The following NRG1 variants were observed in gnomAD, a reference collection of about 807,000 sequenced individuals.
NRG1 encodes the protein pro-neuregulin-1, membrane-bound isoform.
Under a neutral mutation model 63.8 loss-of-function variants are expected in NRG1, and 18 were observed. The ratio of observed to expected loss-of-function variants is 0.28; its 90% CI spans 0.19 to 0.42. The LOEUF is 0.42. Ranked by LOEUF, NRG1 falls within the 10% of genes least tolerant of loss-of-function variation. NRG1 has a pLI of 1.00. For missense variants in NRG1, 762 were observed against 814.7 expected, an observed-to-expected ratio of 0.94 and a Z score of 0.79; for synonymous variants, 302 against 301.3, an observed-to-expected ratio of 1.00 and a Z score of -0.02.
chr8:32,300,464 A>G (rs1312250222), intron 1 of NRG1, among the ~76,000 whole-genome samples: 3 of 152,220 alleles, frequency 2.0e-5, no homozygotes, highest in Non-Finnish European at 4.4e-5. Flanking sequence ...AGAGTTGTTT[A>G]TCCAAGAATC....
rs1182946489 is a variant in NRG1, at chr8:32,760,078, C to G, written c.1053-122C>G. ...TTCTATTCGGAGACAAGTGATGTTA[C>G]AGTGAGCTCCGGGTGCATCAGTAGT... On this transcript the variant is annotated intron_variant, in intron 10 of 11. Transcript: ENST00000356819. The G allele has an allele frequency of 1.5e-5, 16 of 1,065,144 alleles. No individual in the cohort carries two copies. The South Asian group carries it at 1.5e-4, about 10-fold the overall frequency. The allele number at this position is 1,065,144 out of a possible 1,614,324, so 66.0% of individuals were successfully genotyped here. A position where few individuals can be genotyped will look rare whatever the true frequency, so the allele number is the denominator to read the frequency against.
chr8:32,243,423 C>G (rs1464555231), intron 1 of NRG1, among the ~76,000 whole-genome samples: 1 of 114,650 alleles, frequency 8.7e-6, no homozygotes, highest in East Asian at 2.2e-4. Context: ...GAGTAAGACT[C>G]TGTCTCAAAA....
At chr8:32,755,884 A>G (rs745493901) in intron 8 of NRG1, among the ~76,000 whole-genome samples, 9 of 152,012 alleles carry the variant, frequency 5.9e-5, no homozygotes, top group Admixed American at 2.6e-4. Flanking sequence ...CTGGGACGAC[A>G]GGTGCACGCC....
At chr8:32,726,979 T>A (rs1040664712) in intron 5 of NRG1, among the ~76,000 whole-genome samples, 9 of 152,146 alleles carry the variant, frequency 5.9e-5, no homozygotes, top group Non-Finnish European at 1.3e-4. Context: ...CTGGTTTTGC[T>A]TTTCATCCTG....
At chr8:31,730,311 G>A (rs991091169) in intron 1 of NRG1, among the ~76,000 whole-genome samples, 10 of 152,142 alleles carry the variant, frequency 6.6e-5, no homozygotes, top group South Asian at 2.1e-4. Context: ...TTGTTAGTGC[G>A]TGTGGACCCA....
At chr8:32,724,491 G>T (rs1197882403) in intron 5 of NRG1, among the ~76,000 whole-genome samples, 2 of 152,144 alleles carry the variant, frequency 1.3e-5, no homozygotes, top group African/African-American at 4.8e-5. Context: ...TTACCAAATG[G>T]AAACTGATTT....
At chr8:32,208,006 T>C (rs1428284941) in intron 1 of NRG1, among the ~76,000 whole-genome samples, 2 of 152,124 alleles carry the variant, frequency 1.3e-5, no homozygotes, top group Non-Finnish European at 2.9e-5. Flanking sequence ...GACAAACAAA[T>C]GGTTTAGGAA....
chr8:32,507,156 C>T (rs1828634398), intron 1 of NRG1, among the ~76,000 whole-genome samples: 2 of 93,852 alleles, frequency 2.1e-5, no homozygotes, highest in African/African-American at 7.7e-5. Flanking sequence ...TGAAAAAAAT[C>T]CTTTATAGAA....
intron 1 of NRG1, among the ~76,000 whole-genome samples, chr8:31,743,586 G>A (rs1402373287): frequency 6.6e-6 from 1 of 151,924 alleles, no homozygotes; most frequent in Admixed American, 6.6e-5. Flanking sequence ...GTGTGTGTGT[G>A]TGGGTGTGTG....
chr8:32,066,650 A>T (rs1824869069), intron 1 of NRG1, among the ~76,000 whole-genome samples: 1 of 152,188 alleles, frequency 6.6e-6, no homozygotes, highest in Non-Finnish European at 1.5e-5. Context: ...CTTCTGGCTT[A>T]GTGTTGACTT....
intron 1 of NRG1, among the ~76,000 whole-genome samples, chr8:32,003,490 C>T (rs1813272115): frequency 6.6e-6 from 1 of 151,702 alleles, no homozygotes; most frequent in Admixed American, 6.6e-5. Context: ...GGAACTTGTC[C>T]AGAGGGTATA....
chr8:32,461,855 G>T (rs771019027), intron 1 of NRG1, among the ~76,000 whole-genome samples: 4 of 152,064 alleles, frequency 2.6e-5, no homozygotes, highest in Non-Finnish European at 5.9e-5. Flanking sequence ...GAATAGAATA[G>T]CCTTAGATAT....
At chr8:32,040,750 C>CATATATGTATATATATATATATATATAT (rs1819864113) in intron 1 of NRG1, among the ~76,000 whole-genome samples, 24 of 48,700 alleles carry the variant, frequency 4.9e-4, no homozygotes, top group African/African-American at 1.5e-3. Flanking sequence ...AATTTAGGCG[C>CATATATGTATATATATATATATATATAT]ATATATATAT....
rs1394404815 is a variant in NRG1, at chr8:31,639,623, GTCC to G, written c.37+199_37+201del. ...CGCGGAGCAGCTCCTCCACCTCCAC[GTCC>G]TCCTCCGGTGACAGCAGCCCCGACA... is the stretch of plus-strand genomic sequence containing the variant. On this transcript the variant is annotated intron_variant, in intron 1 of 10. Coordinates refer to the NRG1 transcript ENST00000519301. The G allele has an allele frequency of 1.4e-5, 20 of 1,410,474 alleles. No homozygotes were observed. In the African/African-American group the frequency reaches 2.8e-4, roughly 20 times the overall value. The allele number at this position is 1,410,474 out of a possible 1,614,324, so 87.4% of individuals were successfully genotyped here.
At position 32,676,136 on chromosome 8, in the gene NRG1, C is replaced by T. The variant is rs557048759; in HGVS notation, c.503-51813C>T. On this transcript the variant is annotated intron_variant, in intron 5 of 11. Coordinates refer to ENST00000356819, the Ensembl canonical transcript of NRG1. ...GTCAGTATCACAACACAGCCAAGTC[C>T]ATCTGCCTCATTTTGATGTTTTAGT... is the stretch of plus-strand genomic sequence containing the variant. Among the ~76,000 whole-genome samples the T allele has an allele frequency of 1.6e-4, 24 of 152,250 alleles. 1 individual carries two copies. Among genetic ancestry groups the T allele is most frequent in the African/African-American group, 5.3e-4 (22 of 41,538 alleles).
In NRG1 at chr8:32,513,005, G is replaced by A. The variant is rs572313836; in HGVS notation, c.38-82823G>A. Among the ~76,000 whole-genome samples the A allele has an allele frequency of 1.1e-4, 17 of 152,126 alleles. 1 individual carries two copies. The highest frequency in any genetic ancestry group is 3.9e-4 in the East Asian group (2 of 5,166). ...GTTTTAAGAATATCCAAACAAAGAC[G>A]GATACATGTGAAAACTTGGGACAGT... On this transcript the variant is annotated intron_variant, in intron 1 of 10. Coordinates refer to the NRG1 transcript ENST00000519301.
rs577691355 is a variant in NRG1, at chr8:31,642,999, T to A, written c.37+3568T>A. Among the ~76,000 whole-genome samples, 170 of 144,734 alleles carry A rather than the reference T, an allele frequency of 1.2e-3. 2 individuals are homozygous for A. Among genetic ancestry groups the A allele is most frequent in the African/African-American group, 2.7e-3 (103 of 38,864 alleles). The allele number at this position is 144,734 out of a possible 152,430, so 95.0% of individuals were successfully genotyped here. The stretch of plus-strand genomic sequence containing the variant: ...GTAAAAGTGTGTGTGTGTGTGTGTG[T>A]GAGAGAGAGAATGAATGAATGTGTG... On this transcript the variant is annotated intron_variant, in intron 1 of 10. Coordinates refer to the NRG1 transcript ENST00000519301.
intron 1 of NRG1, among the ~76,000 whole-genome samples, chr8:32,504,565 A>T (rs149556571): frequency 5.2e-4 from 79 of 152,300 alleles, no homozygotes; most frequent in African/African-American, 1.8e-3. Context: ...ATACATATAT[A>T]CACACATAAA....
chr8:32,310,654 C>A (rs373373610), intron 1 of NRG1, among the ~76,000 whole-genome samples: 66 of 152,244 alleles, frequency 4.3e-4, no homozygotes, highest in African/African-American at 1.5e-3. Flanking sequence ...TTAGAAGGAA[C>A]AAAGAAAAGA....
Sources: allele counts gnomAD v4.1 joint callset (sites outside exome capture counted in the v4.1 genomes callset), GRCh38; gene constraint gnomAD v4.1.1; transcripts MANE v1.5; gene names NCBI Gene and HGNC (gene_info 2026-07-23, HGNC 2026-07-21).